CACNA2D3: variants seen among roughly 807,000 people sequenced by gnomAD.
CACNA2D3 encodes voltage-dependent calcium channel subunit alpha-2/delta-3.
CACNA2D3 carries 60 observed loss-of-function variants against 160.6 expected under a neutral mutation model. The observed-to-expected ratio is 0.37, with a 90% confidence interval of 0.30 to 0.46. The LOEUF is 0.46. Ranked by LOEUF, CACNA2D3 falls within the 20% of genes least tolerant of loss-of-function variation. The probability of loss-of-function intolerance (pLI) is 1.00; values close to 1 mark genes in which losing one functional copy is unlikely to be tolerated. For synonymous variants in CACNA2D3, 558 were observed against 492.9 expected (o/e 1.13, Z -1.75); for missense variants, 1,205 against 1,365.0 (o/e 0.88, Z 1.85).
chr3:54,490,745 T>C (rs541037678), intron 4 of CACNA2D3, among the ~76,000 whole-genome samples: 1 of 152,174 alleles, frequency 6.6e-6, no homozygotes, highest in East Asian at 1.9e-4. Flanking sequence ...GTGAATACCA[T>C]GAGGGAAAGG....
intron 3 of CACNA2D3, among the ~76,000 whole-genome samples, chr3:54,370,458 C>G (rs1006846554): frequency 6.6e-6 from 1 of 152,150 alleles, no homozygotes; most frequent in Non-Finnish European, 1.5e-5. Context: ...AATTAAGAAT[C>G]CAATCCATAT....
At chr3:54,317,265 G>A (rs1451938129) in intron 2 of CACNA2D3, among the ~76,000 whole-genome samples, 5 of 152,260 alleles carry the variant, frequency 3.3e-5, no homozygotes, top group African/African-American at 1.2e-4. Flanking sequence ...GGGCTGGCCA[G>A]AGCCCCACCT....
chr3:54,952,011 G>T (rs1701769930), intron 27 of CACNA2D3, among the ~76,000 whole-genome samples: 1 of 152,076 alleles, frequency 6.6e-6, no homozygotes, highest in South Asian at 2.1e-4. Context: ...ACCATACCTG[G>T]CTAATTTTTG....
At chr3:54,542,056 TTTG>T (rs1419173657) in intron 5 of CACNA2D3, among the ~76,000 whole-genome samples, 3 of 151,904 alleles carry the variant, frequency 2.0e-5, no homozygotes, top group South Asian at 2.1e-4. Context: ...GAGAGTTTTT[TTTG>T]TTGTTGTTGT....
At chr3:54,444,158 A>G (rs1190046449) in intron 4 of CACNA2D3, among the ~76,000 whole-genome samples, 1 of 152,150 alleles carries the variant, frequency 6.6e-6, no homozygotes, top group African/African-American at 2.4e-5. Flanking sequence ...GGTTGAAAAT[A>G]TTAACCAAGG....
In CACNA2D3 at chr3:54,386,705, T is replaced by C; in HGVS notation, c.322-10T>C. ...TAATGCTGTCTTCTGTTTTTTTTTT[T>C]TTTTTTTAGCGTCTGGTGGAGGCTG... is the stretch of plus-strand genomic sequence containing the variant. On this transcript the variant is annotated splice_polypyrimidine_tract_variant and intron_variant, in intron 3 of 37. Transcript: ENST00000474759. The C allele has an allele frequency of 6.6e-7, 1 of 1,526,104 alleles. No homozygotes were observed. The highest frequency in any genetic ancestry group is 1.2e-5 in the South Asian group (1 of 80,560). 94.5% of individuals were successfully genotyped at this position (1,526,104 alleles called of 1,614,324 possible).
intron 3 of CACNA2D3, among the ~76,000 whole-genome samples, chr3:54,338,562 C>T (rs981201043): frequency 6.7e-6 from 1 of 149,386 alleles, no homozygotes; most frequent in African/African-American, 2.5e-5. Context: ...GAGAATGACA[C>T]CTGTCTTCAG....
At chr3:54,181,032 T>C (rs1576982940) in intron 2 of CACNA2D3, among the ~76,000 whole-genome samples, 1 of 152,128 alleles carries the variant, frequency 6.6e-6, no homozygotes, top group East Asian at 1.9e-4. Flanking sequence ...CCCCCCACCA[T>C]ATATAACAGG....
intron 11 of CACNA2D3, among the ~76,000 whole-genome samples, chr3:54,732,065 A>G (rs889274986): frequency 5.9e-5 from 9 of 151,854 alleles, no homozygotes; most frequent in Non-Finnish European, 1.0e-4. Context: ...TTTAAATCTC[A>G]TTTGTTGCCG....
chr3:54,192,075 A>G (rs548221969), intron 2 of CACNA2D3, among the ~76,000 whole-genome samples: 2 of 149,812 alleles, frequency 1.3e-5, no homozygotes, highest in African/African-American at 4.9e-5. Context: ...GTCTTGTGCC[A>G]TCAATAATGA....
chr3:54,761,208 CAAG>C (rs1559572421), intron 12 of CACNA2D3, among the ~76,000 whole-genome samples: 2 of 152,090 alleles, frequency 1.3e-5, no homozygotes, highest in African/African-American at 4.8e-5. Context: ...TACAGGCAAC[CAAG>C]AAGAACTCCT....
intron 11 of CACNA2D3, among the ~76,000 whole-genome samples, chr3:54,674,787 A>C (rs573309546): frequency 1.3e-5 from 2 of 152,326 alleles, no homozygotes; most frequent in South Asian, 4.1e-4. Context: ...TGATGGTCTG[A>C]TAGCTGAGTT....
intron 2 of CACNA2D3, among the ~76,000 whole-genome samples, chr3:54,177,603 G>C (rs1700701593): frequency 6.6e-6 from 1 of 152,120 alleles, no homozygotes; most frequent in African/African-American, 2.4e-5. Context: ...TTCATTTTTA[G>C]GAAACGTCTT....
chr3:54,640,174 G>A (rs183800818), intron 10 of CACNA2D3, among the ~76,000 whole-genome samples: 32 of 152,328 alleles, frequency 2.1e-4, no homozygotes, highest in African/African-American at 2.6e-4. Flanking sequence ...TAGGGGATGC[G>A]ATGGCTTGGC....
chr3:55,029,800 GT>G (rs1392610917), intron 35 of CACNA2D3, among the ~76,000 whole-genome samples: 2 of 152,142 alleles, frequency 1.3e-5, no homozygotes, highest in African/African-American at 2.4e-5. Context: ...TAAAATGTAA[GT>G]TTTTTAACCA....
chr3:54,182,399 C>T (rs2107324123), intron 2 of CACNA2D3, among the ~76,000 whole-genome samples: 1 of 152,246 alleles, frequency 6.6e-6, no homozygotes, highest in Middle Eastern at 3.4e-3. Flanking sequence ...AAATGGCTTT[C>T]TGTAATGTGA....
chr3:54,267,329 C>A (rs1179372168), intron 2 of CACNA2D3, among the ~76,000 whole-genome samples: 1 of 152,124 alleles, frequency 6.6e-6, no homozygotes, highest in African/African-American at 2.4e-5. Flanking sequence ...AAGTGACTTG[C>A]TGAAGTTGCA....
At chr3:55,055,917 C>T (rs888645691) in intron 35 of CACNA2D3, among the ~76,000 whole-genome samples, 3 of 151,980 alleles carry the variant, frequency 2.0e-5, no homozygotes, top group Admixed American at 6.5e-5. Flanking sequence ...ACCCCAAAAG[C>T]ATAGGCAACA....
intron 26 of CACNA2D3, among the ~76,000 whole-genome samples, chr3:54,898,127 T>G (rs1252195399): frequency 2.1e-5 from 3 of 141,616 alleles, no homozygotes; most frequent in African/African-American, 8.1e-5. Context: ...CTTTCTTTCT[T>G]TTTCTTTTTC....
Sources: allele counts gnomAD v4.1 joint callset (sites outside exome capture counted in the v4.1 genomes callset), GRCh38; gene constraint gnomAD v4.1.1; transcripts MANE v1.5; gene names NCBI Gene and HGNC (gene_info 2026-07-23, HGNC 2026-07-21).